PIP5K1B: variants seen among roughly 807,000 people sequenced by gnomAD.
The protein encoded by PIP5K1B is phosphatidylinositol 4-phosphate 5-kinase type-1 beta.
Under a neutral mutation model 67.0 loss-of-function variants are expected in PIP5K1B, and 42 were observed. The observed-to-expected ratio is 0.63, with a 90% CI of 0.49 to 0.81. PIP5K1B has a LOEUF of 0.81. Ranked by LOEUF, PIP5K1B falls within the 30% of genes least tolerant of loss-of-function variation. PIP5K1B has a pLI of 0.00. For missense variants in PIP5K1B, 459 were observed against 646.3 expected (o/e 0.71, Z 3.14); for synonymous variants, 214 against 231.4 (o/e 0.92, Z 0.68).
At chr9:68,753,437 T>G (rs1244705370) in intron 2 of PIP5K1B, among the ~76,000 whole-genome samples, 2 of 151,308 alleles carry the variant, frequency 1.3e-5, no homozygotes, top group East Asian at 1.9e-4. Context: ...CCTCCCAGGT[T>G]TAAGCAATTC....
intron 7 of PIP5K1B, among the ~76,000 whole-genome samples, chr9:68,892,612 T>C (rs1325954911): frequency 6.6e-6 from 1 of 152,180 alleles, no homozygotes; most frequent in Non-Finnish European, 1.5e-5. Flanking sequence ...ATTAATTCCA[T>C]ATGGAGTAAA....
At chr9:68,777,290 GC>G (rs1416878156) in intron 2 of PIP5K1B, among the ~76,000 whole-genome samples, 2 of 152,080 alleles carry the variant, frequency 1.3e-5, no homozygotes, top group African/African-American at 4.8e-5. Flanking sequence ...AATGTGCCAG[GC>G]CCTGTTCTAG....
intron 6 of PIP5K1B, among the ~76,000 whole-genome samples, chr9:68,885,530 A>G (rs1824423233): frequency 6.6e-6 from 1 of 152,218 alleles, no homozygotes; most frequent in Admixed American, 6.5e-5. Flanking sequence ...TCTACAATGT[A>G]TTCATGATCA....
At chr9:68,764,277 G>T (rs112812652) in intron 2 of PIP5K1B, among the ~76,000 whole-genome samples, 8 of 151,722 alleles carry the variant, frequency 5.3e-5, no homozygotes, top group African/African-American at 1.9e-4. Context: ...TAAACAGTGC[G>T]TTATTTTTGG....
chr9:68,979,850 C>G (rs1829812938), intron 14 of PIP5K1B, among the ~76,000 whole-genome samples: 1 of 152,162 alleles, frequency 6.6e-6, no homozygotes, highest in Admixed American at 6.5e-5. Flanking sequence ...GTCTCCTTGT[C>G]TAAAAATAGC....
intron 2 of PIP5K1B, among the ~76,000 whole-genome samples, chr9:68,761,646 C>T (rs891044023): frequency 1.3e-5 from 2 of 152,076 alleles, no homozygotes; most frequent in Admixed American, 6.6e-5. Flanking sequence ...AGGCTGCATT[C>T]CTTGGCTTAT....
chr9:68,771,217 C>T (rs1299847140), intron 2 of PIP5K1B, among the ~76,000 whole-genome samples: 1 of 152,218 alleles, frequency 6.6e-6, no homozygotes, highest in Non-Finnish European at 1.5e-5. Flanking sequence ...ATCTGACATG[C>T]TGTGGTTCTA....
chr9:68,872,113 AATGTTGGCAGTTCTGCC>A (rs1823654553), intron 5 of PIP5K1B, among the ~76,000 whole-genome samples: 1 of 152,246 alleles, frequency 6.6e-6, no homozygotes, highest in African/African-American at 2.4e-5. Flanking sequence ...ATTGTGTTTG[AATGTTGGCAGTTCTGCC>A]ATGGTGGAAG....
intron 14 of PIP5K1B, chr9:68,963,262 C>T: frequency 4.4e-6 from 2 of 454,398 alleles, no homozygotes; most frequent in Admixed American, 4.7e-5. Flanking sequence ...CAGCACTTTG[C>T]GAGGCCGAGG....
chr9:68,912,213 T>C lies in PIP5K1B; in HGVS notation c.772-5335T>C, dbSNP rs1825888437. Among the ~76,000 whole-genome samples, 6 of 152,234 alleles carry C rather than the reference T, an allele frequency of 3.9e-5. No homozygotes were observed. In the South Asian group the frequency reaches 1.2e-3, roughly 32 times the overall value. ...TATTACAATGTGTAATTCGGGCTTG[T>C]TTAATGTTGAGTATGGAATAATTAT... On this transcript the variant is annotated intron_variant, in intron 8 of 15. Coordinates refer to ENST00000265382, the MANE Select transcript of PIP5K1B (RefSeq NM_003558.4).
At chr9:68,760,829 T>A (rs760277606) in intron 2 of PIP5K1B, among the ~76,000 whole-genome samples, 3 of 152,114 alleles carry the variant, frequency 2.0e-5, no homozygotes, top group African/African-American at 4.8e-5. Context: ...AGCCAAGCCT[T>A]GCTGGCAGGG....
intron 4 of PIP5K1B, among the ~76,000 whole-genome samples, chr9:68,859,621 C>T (rs559402528): frequency 1.1e-4 from 16 of 152,256 alleles, no homozygotes; most frequent in African/African-American, 3.6e-4. Context: ...TGTGCAAAGC[C>T]GGCAACCCAC....
chr9:68,952,861 T>G (rs1435639999), intron 14 of PIP5K1B, among the ~76,000 whole-genome samples: 1 of 151,728 alleles, frequency 6.6e-6, no homozygotes, highest in Non-Finnish European at 1.5e-5. Context: ...CTTCCTTTCT[T>G]TCTTTCTTCC....
intron 2 of PIP5K1B, among the ~76,000 whole-genome samples, chr9:68,753,567 G>A (rs988319676): frequency 2.2e-5 from 2 of 90,160 alleles, no homozygotes; most frequent in African/African-American, 8.7e-5. Context: ...CACCGTCACC[G>A]AGGCTGGAGT....
chr9:68,729,350 G>A (rs997524646), intron 1 of PIP5K1B, among the ~76,000 whole-genome samples: 1 of 152,112 alleles, frequency 6.6e-6, no homozygotes, highest in Non-Finnish European at 1.5e-5. Context: ...AAGAGTAGGA[G>A]TAAACTCTTG....
Position 68,824,883 on chromosome 9 carries a change from G to T in PIP5K1B, c.69+2200G>T, listed in dbSNP as rs142474588. 2.9e-3 allele frequency among the ~76,000 whole-genome samples: 434 copies of T among 152,206 alleles called. 1 individual carries two copies. The highest frequency in any genetic ancestry group is 9.9e-3 in the African/African-American group (409 of 41,520). On this transcript the variant is annotated intron_variant, in intron 4 of 15. Transcript: ENST00000265382. ...CAGATAAACCATTTCCCAGATGAAA[G>T]AACTTAAAGCTAGAATAGGAAAACC... is the stretch of plus-strand genomic sequence containing the variant.
chr9:68,911,332 C>T (rs1825837830), intron 8 of PIP5K1B, among the ~76,000 whole-genome samples: 1 of 150,434 alleles, frequency 6.6e-6, no homozygotes, highest in Non-Finnish European at 1.5e-5. Flanking sequence ...GAGAACATGC[C>T]ATTGCACTCC....
intron 1 of PIP5K1B, among the ~76,000 whole-genome samples, chr9:68,712,400 A>G (rs915147030): frequency 2.0e-5 from 3 of 152,234 alleles, no homozygotes; most frequent in African/African-American, 7.2e-5. Context: ...ATGGCAATGC[A>G]AAAACAGATT....
At chr9:69,006,821 T>C (rs1417931037) in intron 15 of PIP5K1B, among the ~76,000 whole-genome samples, 1 of 152,244 alleles carries the variant, frequency 6.6e-6, no homozygotes, top group South Asian at 2.1e-4. Flanking sequence ...GCTTTGTTTT[T>C]TAAGAACGCA....
Sources: gnomAD v4.1 joint callset for allele counts (sites outside exome capture counted in the v4.1 genomes callset) on GRCh38, gnomAD v4.1.1 for gene constraint, MANE v1.5 for transcripts, NCBI Gene and HGNC (gene_info 2026-07-23, HGNC 2026-07-21) for gene names.